Variants in CDH18 observed in about 807,000 individuals in gnomAD.
CDH18 encodes the protein cadherin 18, also known as cadherin-18.
A neutral mutation model predicts 67.9 loss-of-function variants in CDH18; 31 were observed. The observed-to-expected ratio is 0.46, with a 90% confidence interval of 0.34 to 0.62. CDH18 has a LOEUF of 0.62. Among genes scored for constraint, CDH18 ranks in the 20% least tolerant of loss-of-function variants. CDH18 has a pLI of 0.01. For synonymous variants in CDH18, 362 were observed against 347.2 expected (o/e 1.04, Z -0.48); for missense variants, 890 against 975.5 (o/e 0.91, Z 1.17).
intron 2 of CDH18, among the ~76,000 whole-genome samples, chr5:20,077,443 C>T (rs572507942): frequency 6.6e-6 from 1 of 152,318 alleles, no homozygotes; most frequent in African/African-American, 2.4e-5. Flanking sequence ...CTTCAGTGAA[C>T]TTCAGGGCAC....
At chr5:19,514,880 G>A (rs1745716183) in intron 10 of CDH18, among the ~76,000 whole-genome samples, 1 of 152,164 alleles carries the variant, frequency 6.6e-6, no homozygotes, top group Non-Finnish European at 1.5e-5. Flanking sequence ...TTTGGCTTTT[G>A]TTGCCATTGC....
intron 2 of CDH18, among the ~76,000 whole-genome samples, chr5:19,943,274 T>C (rs1794996316): frequency 6.6e-6 from 1 of 152,146 alleles, no homozygotes; most frequent in African/African-American, 2.4e-5. Flanking sequence ...ATGGTGAAGT[T>C]AGAATTCAAA....
chr5:20,499,383 T>A (rs929996460), intron 1 of CDH18, among the ~76,000 whole-genome samples: 4 of 152,104 alleles, frequency 2.6e-5, no homozygotes, highest in African/African-American at 9.7e-5. Context: ...ATTTTTGTAT[T>A]GTTATTGTTA....
At chr5:19,942,821 AG>A (rs1794948608) in intron 2 of CDH18, among the ~76,000 whole-genome samples, 1 of 152,188 alleles carries the variant, frequency 6.6e-6, no homozygotes, top group African/African-American at 2.4e-5. Context: ...GCCCCTGTCA[AG>A]AAATGCCCCG....
Position 19,643,988 on chromosome 5 carries a change from T to C in CDH18, c.644-31387A>G, listed in dbSNP as rs372924287. On this transcript the variant is annotated intron_variant, in intron 5 of 12. Transcript: ENST00000382275. ...TTAATTTTTCAATATACCTCTTTAATAAAGTTAAGGGAAAACATACATAGT... is the reference window on the plus strand; with the variant it reads ...TTAATTTTTCAATATACCTCTTTAACAAAGTTAAGGGAAAACATACATAGT... Among the ~76,000 whole-genome samples the C allele has an allele frequency of 9.2e-5, 14 of 152,300 alleles. No homozygotes were observed. The East Asian group carries it at 1.9e-3, about 21-fold the overall frequency.
chr5:19,842,750 A>G (rs1782479282), intron 2 of CDH18, among the ~76,000 whole-genome samples: 1 of 152,164 alleles, frequency 6.6e-6, no homozygotes, highest in East Asian at 1.9e-4. Context: ...AGATGTGGGA[A>G]AATTTGGAAC....
intron 1 of CDH18, among the ~76,000 whole-genome samples, chr5:20,447,642 G>C (rs1750103102): frequency 6.6e-6 from 1 of 152,118 alleles, no homozygotes; most frequent in African/African-American, 2.4e-5. Context: ...GAAACCTGCT[G>C]TCCTCCCGCA....
intron 1 of CDH18, among the ~76,000 whole-genome samples, chr5:20,527,490 T>C (rs1311099229): frequency 2.0e-5 from 3 of 151,504 alleles, no homozygotes; most frequent in Admixed American, 6.6e-5. Flanking sequence ...AAGGAAAAAA[T>C]ATTAAAGACA....
intron 5 of CDH18, among the ~76,000 whole-genome samples, chr5:19,641,692 T>G (rs777279596): frequency 6.6e-6 from 1 of 151,996 alleles, no homozygotes; most frequent in Non-Finnish European, 1.5e-5. Context: ...ACAATTATGG[T>G]CATATATGAA....
intron 2 of CDH18, among the ~76,000 whole-genome samples, chr5:20,210,291 T>C (rs189225042): frequency 3.3e-5 from 5 of 152,046 alleles, no homozygotes; most frequent in African/African-American, 7.2e-5. Context: ...TCTTTTGACA[T>C]AGAACACATT....
chr5:19,788,242 A>G (rs997326030), intron 3 of CDH18, among the ~76,000 whole-genome samples: 10 of 152,198 alleles, frequency 6.6e-5, no homozygotes, highest in Non-Finnish European at 1.5e-4. Context: ...TTCTACATGA[A>G]GCACACATAG....
intron 2 of CDH18, among the ~76,000 whole-genome samples, chr5:19,891,335 G>A (rs2150084317): frequency 6.6e-6 from 1 of 152,212 alleles, no homozygotes; most frequent in Non-Finnish European, 1.5e-5. Context: ...GGGCTAACGT[G>A]TGAGTAGAAA....
At chr5:19,850,012 G>T (rs1417942748) in intron 2 of CDH18, among the ~76,000 whole-genome samples, 1 of 151,696 alleles carries the variant, frequency 6.6e-6, no homozygotes, top group Non-Finnish European at 1.5e-5. Context: ...ACATGGATTT[G>T]AATCATGATG....
chr5:20,290,644 G>A (rs1016276808), intron 1 of CDH18, among the ~76,000 whole-genome samples: 5 of 152,244 alleles, frequency 3.3e-5, no homozygotes, highest in South Asian at 2.1e-4. Context: ...CTGGTTGTAC[G>A]ATATGATCCA....
intron 5 of CDH18, among the ~76,000 whole-genome samples, chr5:19,716,144 A>G (rs2150554198): frequency 6.6e-6 from 1 of 152,198 alleles, no homozygotes; most frequent in East Asian, 1.9e-4. Context: ...AGAAGGAGAC[A>G]AGATAACTTG....
At chr5:20,528,331 A>G (rs1312837603) in intron 1 of CDH18, among the ~76,000 whole-genome samples, 2 of 152,052 alleles carry the variant, frequency 1.3e-5, no homozygotes, top group Non-Finnish European at 1.5e-5. Flanking sequence ...CACTGTTAGT[A>G]TTAGACAGAT....
intron 2 of CDH18, among the ~76,000 whole-genome samples, chr5:20,020,806 A>G (rs1290133001): frequency 2.0e-5 from 3 of 152,164 alleles, no homozygotes; most frequent in Non-Finnish European, 4.4e-5. Context: ...GTGGGGTTGG[A>G]GCCTCCAAAC....
intron 1 of CDH18, among the ~76,000 whole-genome samples, chr5:20,295,111 T>C (rs949531774): frequency 2.6e-5 from 4 of 152,156 alleles, no homozygotes; most frequent in African/African-American, 9.7e-5. Context: ...TGTTTTAAGA[T>C]AAAAAATGGC....
chr5:20,406,276 C>T (rs1408382966), intron 1 of CDH18, among the ~76,000 whole-genome samples: 2 of 152,160 alleles, frequency 1.3e-5, no homozygotes, highest in Non-Finnish European at 2.9e-5. Context: ...AGTTCATGTC[C>T]TTTGTCGGGA....
Sources: gnomAD v4.1 joint callset for allele counts (sites outside exome capture counted in the v4.1 genomes callset) on GRCh38, gnomAD v4.1.1 for gene constraint, MANE v1.5 for transcripts, NCBI Gene and HGNC (gene_info 2026-07-23, HGNC 2026-07-21) for gene names.